Variants in MRAP2 observed in about 807,000 individuals in gnomAD.
MRAP2 encodes melanocortin-2 receptor accessory protein 2.
In MRAP2, 20 loss-of-function variants were observed where a neutral mutation model predicts 17.4. The observed-to-expected ratio is 1.15, with a 90% CI of 0.81 to 1.67. The LOEUF is 1.67. Ranked by LOEUF, MRAP2 falls within the 40% of genes most tolerant of loss-of-function variation. The pLI is 0.00. For missense variants in MRAP2, 238 were observed against 240.0 expected (o/e 0.99, Z 0.05); for synonymous variants, 96 against 88.4 (o/e 1.09, Z -0.48).
Position 84,062,893 on chromosome 6 carries a change from A to T in MRAP2, c.128A>T (p.Tyr43Phe), listed in dbSNP as rs762950358. 4 of 1,614,052 alleles carry T rather than the reference A, an allele frequency of 2.5e-6. No individual in the cohort carries two copies. In the Admixed American group the frequency reaches 6.7e-5, roughly 27 times the overall value. The change falls in exon 3 of 4, where the codon TAT (tyrosine) becomes TTT (phenylalanine). Residue 43 changes from tyrosine to phenylalanine, a missense_variant and splice_region_variant. Transcript: ENST00000257776. ...AATCCCAGAATTAACTGTCTTTCAG[A>T]TTCCATTGTGATTGGATTTTGGGTT... is the stretch of plus-strand genomic sequence containing the variant. ...VSFEGLKAHKYSIVIGFWVGL... is the reference protein window; with the variant it reads ...VSFEGLKAHKFSIVIGFWVGL...
At chr6:84,034,135 G>T (rs2099485309) in intron 1 of MRAP2, among the ~76,000 whole-genome samples, 1 of 152,028 alleles carries the variant, frequency 6.6e-6, no homozygotes, top group Admixed American at 6.5e-5. Context: ...GGACGCCGCT[G>T]GGCGTCCGAA....
At chr6:84,087,696 C>A (rs2099500848) in intron 3 of MRAP2, among the ~76,000 whole-genome samples, 1 of 152,156 alleles carries the variant, frequency 6.6e-6, no homozygotes, top group Non-Finnish European at 1.5e-5. Context: ...ATTCTGAATA[C>A]CTGACATAGT....
chr6:84,133,358 T>C, the MRAP2 span, among the ~76,000 whole-genome samples: 1 of 151,584 alleles, frequency 6.6e-6, no homozygotes, highest in African/African-American at 2.4e-5. Flanking sequence ...TCAAACTCCA[T>C]GCTGGGAGAA....
At chr6:84,049,627 G>A (rs542570039) in intron 1 of MRAP2, among the ~76,000 whole-genome samples, 33 of 152,320 alleles carry the variant, frequency 2.2e-4, no homozygotes, top group Middle Eastern at 6.8e-3. Context: ...TTCAGGTGGT[G>A]ACTGAATATC....
At chr6:84,093,329 G>C (rs2099502109), downstream of MRAP2, among the ~76,000 whole-genome samples, 1 of 152,134 alleles carries the variant, frequency 6.6e-6, no homozygotes, top group Admixed American at 6.5e-5. Context: ...GACTCACCGA[G>C]GCACCAGGGT....
chr6:84,048,700 G>A (rs952319930), intron 1 of MRAP2, among the ~76,000 whole-genome samples: 4 of 152,154 alleles, frequency 2.6e-5, no homozygotes, highest in Non-Finnish European at 4.4e-5. Flanking sequence ...TTAGGGTCCT[G>A]TTTTGTCGTA....
At chr6:84,097,809 T>C in the MRAP2 span, among the ~76,000 whole-genome samples, 1 of 152,188 alleles carries the variant, frequency 6.6e-6, no homozygotes, top group South Asian at 2.1e-4. Flanking sequence ...ACATTGTATA[T>C]GAAAAATCCA....
At chr6:84,072,345 T>C (rs571258599) in intron 3 of MRAP2, among the ~76,000 whole-genome samples, 5 of 152,208 alleles carry the variant, frequency 3.3e-5, no homozygotes, top group Admixed American at 6.5e-5. Context: ...GTTGTCCCTC[T>C]TCTGGGTCTA....
chr6:84,131,607 CTT>C, the MRAP2 span, among the ~76,000 whole-genome samples: 1 of 151,880 alleles, frequency 6.6e-6, no homozygotes, highest in Non-Finnish European at 1.5e-5. Context: ...GGCCTTGTCT[CTT>C]TTGATCTTTG....
chr6:84,121,444 G>C, the MRAP2 span, among the ~76,000 whole-genome samples: 1 of 152,154 alleles, frequency 6.6e-6, no homozygotes, highest in Non-Finnish European at 1.5e-5. Flanking sequence ...AGGAGTTCAA[G>C]ACCAGCCTGG....
intron 1 of MRAP2, among the ~76,000 whole-genome samples, chr6:84,048,991 C>A (rs1011002615): frequency 3.3e-5 from 5 of 152,124 alleles, no homozygotes; most frequent in Admixed American, 3.3e-4. Flanking sequence ...TGCCTCTTCT[C>A]TTCTCTGGAA....
chr6:84,059,457 A>G (rs916881297), intron 2 of MRAP2, among the ~76,000 whole-genome samples: 8 of 152,230 alleles, frequency 5.3e-5, no homozygotes, highest in African/African-American at 1.9e-4. Flanking sequence ...CAAGTGAAGT[A>G]TTAACCCTTG....
the MRAP2 span, among the ~76,000 whole-genome samples, chr6:84,108,861 G>A: frequency 6.6e-6 from 1 of 152,160 alleles, no homozygotes; most frequent in Non-Finnish European, 1.5e-5. Context: ...TATGGTGTAA[G>A]GAAGGGGTTC....
chr6:84,059,566 A>T (rs2099492564), intron 2 of MRAP2, among the ~76,000 whole-genome samples: 1 of 152,184 alleles, frequency 6.6e-6, no homozygotes, highest in South Asian at 2.1e-4. Context: ...CCTACCCTAG[A>T]TTGGGAAGGA....
chr6:84,039,939 G>A (rs1034511627), intron 1 of MRAP2, among the ~76,000 whole-genome samples: 3 of 151,912 alleles, frequency 2.0e-5, no homozygotes, highest in African/African-American at 7.3e-5. Flanking sequence ...TATCTTCTGT[G>A]GGGAAAAAAA....
intron 3 of MRAP2, chr6:84,063,268 T>C: frequency 1.0e-6 from 1 of 985,352 alleles, no homozygotes. Flanking sequence ...GATTTTTACA[T>C]TGAAATGTTT....
the MRAP2 span, among the ~76,000 whole-genome samples, chr6:84,136,183 C>T: frequency 1.3e-5 from 2 of 152,354 alleles, no homozygotes; most frequent in African/African-American, 4.8e-5. Flanking sequence ...ACAAAAACAA[C>T]TGATCAGTTA....
chr6:84,121,062 C>A, the MRAP2 span, among the ~76,000 whole-genome samples: 1 of 149,414 alleles, frequency 6.7e-6, no homozygotes, highest in Admixed American at 6.6e-5. Context: ...TTGCTTTTTA[C>A]CTTTTTATTT....
intron 1 of MRAP2, among the ~76,000 whole-genome samples, chr6:84,046,814 T>C (rs566592935): frequency 2.0e-5 from 3 of 148,780 alleles, no homozygotes; most frequent in Admixed American, 6.7e-5. Context: ...AAAGGAGAAT[T>C]TGGGAAGTGG....
Sources: gnomAD v4.1 joint callset for allele counts (sites outside exome capture counted in the v4.1 genomes callset) on GRCh38, gnomAD v4.1.1 for gene constraint, MANE v1.5 for transcripts, NCBI Gene and HGNC (gene_info 2026-07-23, HGNC 2026-07-21) for gene names.